RBFOX1: variants seen among roughly 807,000 people sequenced by gnomAD.
RBFOX1 encodes the protein RNA binding protein fox-1 homolog 1.
In RBFOX1, 8 loss-of-function variants were observed where a neutral mutation model predicts 57.7. The observed-to-expected ratio is 0.14, with a 90% CI of 0.08 to 0.25. RBFOX1 has a LOEUF of 0.25. Ranked by LOEUF, RBFOX1 falls within the 10% of genes least tolerant of loss-of-function variation. RBFOX1 has a pLI of 1.00. For synonymous variants in RBFOX1, 326 were observed against 222.4 expected (o/e 1.47, Z -4.15); for missense variants, 611 against 548.5 (o/e 1.11, Z -1.14).
intron 3 of RBFOX1, among the ~76,000 whole-genome samples, chr16:6,709,057 C>A (rs1325611090): frequency 6.6e-6 from 1 of 151,888 alleles, no homozygotes; most frequent in Non-Finnish European, 1.5e-5. Flanking sequence ...AGCAATAATT[C>A]CCTCATCACC....
chr16:6,441,151 G>C (rs1482740931), intron 2 of RBFOX1, among the ~76,000 whole-genome samples: 3 of 152,130 alleles, frequency 2.0e-5, no homozygotes, highest in Non-Finnish European at 2.9e-5. Flanking sequence ...AACATGCCCT[G>C]GGGGGTGGTG....
chr16:6,898,704 CTA>C (rs1008486523), intron 3 of RBFOX1, among the ~76,000 whole-genome samples: 6 of 151,736 alleles, frequency 4.0e-5, no homozygotes, highest in Admixed American at 3.3e-4. Context: ...GTGTATGTGT[CTA>C]TAATATATGT....
At chr16:6,311,933 T>G (rs2080368607) in intron 1 of RBFOX1, among the ~76,000 whole-genome samples, 1 of 152,144 alleles carries the variant, frequency 6.6e-6, no homozygotes, top group African/African-American at 2.4e-5. Context: ...AGCTTGCTGA[T>G]TTGGCTTCAG....
At chr16:7,076,194 C>T (rs1348928183) in intron 4 of RBFOX1, among the ~76,000 whole-genome samples, 1 of 151,544 alleles carries the variant, frequency 6.6e-6, no homozygotes, top group East Asian at 2.0e-4. Flanking sequence ...GGTGCACTAC[C>T]TGCTAATTTT....
intron 2 of RBFOX1, among the ~76,000 whole-genome samples, chr16:6,614,036 G>C (rs1435855244): frequency 7.2e-5 from 11 of 152,200 alleles, no homozygotes; most frequent in Admixed American, 7.2e-4. Context: ...TTGTAAGTGA[G>C]TTTAGGTGAA....
chr16:6,501,203 A>C (rs184289750), intron 2 of RBFOX1, among the ~76,000 whole-genome samples: 2 of 143,458 alleles, frequency 1.4e-5, no homozygotes, highest in South Asian at 4.3e-4. Context: ...GGTTTGTTAC[A>C]TATGTATACA....
intron 2 of RBFOX1, among the ~76,000 whole-genome samples, chr16:5,468,695 T>C (rs559924553): frequency 7.7e-4 from 117 of 152,356 alleles, no homozygotes; most frequent in African/African-American, 2.7e-3. Flanking sequence ...TGGAATATTA[T>C]ACAGCCATAA....
intron 4 of RBFOX1, among the ~76,000 whole-genome samples, chr16:7,057,905 G>A (rs1252441665): frequency 2.6e-5 from 4 of 151,594 alleles, no homozygotes; most frequent in Non-Finnish European, 5.9e-5. Flanking sequence ...CTACTCCGGA[G>A]GCTGAGGCAG....
At chr16:6,156,030 G>A (rs1397027027) in intron 1 of RBFOX1, among the ~76,000 whole-genome samples, 1 of 152,118 alleles carries the variant, frequency 6.6e-6, no homozygotes, top group African/African-American at 2.4e-5. Context: ...AGGAGACTGG[G>A]GCAGAGAAAA....
intron 5 of RBFOX1, among the ~76,000 whole-genome samples, chr16:7,540,289 T>C (rs1241201846): frequency 6.6e-6 from 1 of 152,206 alleles, no homozygotes; most frequent in Non-Finnish European, 1.5e-5. Flanking sequence ...TGTAGCAATA[T>C]GTTTAATAAC....
At chr16:5,591,404 A>G (rs55819039) in intron 2 of RBFOX1, among the ~76,000 whole-genome samples, 26,414 of 151,824 alleles carry the variant, frequency 0.17, 2,484 homozygotes, top group East Asian at 0.32. Flanking sequence ...GGCACCCACC[A>G]CTGTGCTCGG....
chr16:6,742,547 C>T lies in RBFOX1; in HGVS notation c.-16+87897C>T, dbSNP rs181881926. The stretch of plus-strand genomic sequence containing the variant: ...GAAAGCTATACACAATTATTGTCAG[C>T]AGTTTTATTTCTGAGTCAAAAACTG... On this transcript the variant is annotated intron_variant, in intron 3 of 15. Transcript: ENST00000550418. Among the ~76,000 whole-genome samples the T allele has an allele frequency of 1.2e-3, 187 of 152,238 alleles. 1 individual carries two copies. The Middle Eastern group carries it at 0.014, about 11-fold the overall frequency.
chr16:7,456,365 C>A (rs1167757995), intron 4 of RBFOX1, among the ~76,000 whole-genome samples: 1 of 152,166 alleles, frequency 6.6e-6, no homozygotes, highest in Non-Finnish European at 1.5e-5. Context: ...TATAGTCACC[C>A]AAGTACATCT....
intron 2 of RBFOX1, among the ~76,000 whole-genome samples, chr16:6,509,350 G>C (rs13332409): frequency 0.092 from 13,936 of 152,176 alleles, 743 homozygotes; most frequent in Middle Eastern, 0.13. Flanking sequence ...CTACTATTCA[G>C]CTATAAAAAG....
At position 7,105,533 on chromosome 16, in the gene RBFOX1, G is replaced by C. The variant is rs1039572608; in HGVS notation, c.27+53435G>C. On this transcript the variant is annotated intron_variant, in intron 4 of 15. Coordinates refer to ENST00000550418, the MANE Select transcript of RBFOX1 (RefSeq NM_018723.4). ...TCCATTGTGTCATTCTTATGCCTTT[G>C]CTTCCTCATAGCTTAGCTCCCACTT... Among the ~76,000 whole-genome samples, 5 of 151,886 alleles carry C rather than the reference G, an allele frequency of 3.3e-5. No homozygotes were observed. In the South Asian group the frequency reaches 1.0e-3, roughly 32 times the overall value.
intron 4 of RBFOX1, among the ~76,000 whole-genome samples, chr16:7,307,047 AAAC>A (rs1390126120): frequency 6.6e-6 from 1 of 152,200 alleles, no homozygotes; most frequent in Non-Finnish European, 1.5e-5. Flanking sequence ...CCTTCACTGA[AAAC>A]AATTTTATTT....
intron 4 of RBFOX1, among the ~76,000 whole-genome samples, chr16:7,197,467 A>C (rs1295870129): frequency 6.6e-6 from 1 of 150,708 alleles, no homozygotes; most frequent in South Asian, 2.1e-4. Flanking sequence ...AAAAAACATC[A>C]AGCTGTGATA....
chr16:6,431,935 TTC>T (rs1491560718), intron 2 of RBFOX1, among the ~76,000 whole-genome samples: 1 of 151,120 alleles, frequency 6.6e-6, no homozygotes, highest in Non-Finnish European at 1.5e-5. Flanking sequence ...CTTTCTTTCT[TTC>T]TTTCTTTCTT....
chr16:6,157,979 G>A lies in RBFOX1; in HGVS notation c.-127+137987G>A, dbSNP rs1430037072. Among the ~76,000 whole-genome samples, 4 of 152,262 alleles carry A rather than the reference G, an allele frequency of 2.6e-5. No homozygotes were observed. In the East Asian group the frequency reaches 7.7e-4, roughly 29 times the overall value. On this transcript the variant is annotated intron_variant, in intron 1 of 15. Coordinates refer to ENST00000550418, the MANE Select transcript of RBFOX1 (RefSeq NM_018723.4). ...CTAATTACTATGAGCAGAAAGATGA[G>A]ATATACTAATTGGCTGAACCTGGTC...
Sources: gnomAD v4.1 joint callset for allele counts (sites outside exome capture counted in the v4.1 genomes callset) on GRCh38, gnomAD v4.1.1 for gene constraint, MANE v1.5 for transcripts, NCBI Gene and HGNC (gene_info 2026-07-23, HGNC 2026-07-21) for gene names.